PCDHA1: variants seen among roughly 807,000 people sequenced by gnomAD.
PCDHA1 encodes protocadherin alpha-1.
Under a neutral mutation model 61.3 loss-of-function variants are expected in PCDHA1, and 42 were observed. The ratio of observed to expected loss-of-function variants is 0.69; its 90% confidence interval spans 0.54 to 0.89. The LOEUF is 0.89. PCDHA1 is among the 40% of genes least tolerant of loss of function. PCDHA1 has a pLI of 0.00. For synonymous variants in PCDHA1, 610 were observed against 553.8 expected (o/e 1.10, Z -1.43); for missense variants, 1,256 against 1,235.3 (o/e 1.02, Z -0.25).
chr5:140,848,591 C>A lies in PCDHA1; in HGVS notation c.2394+59907C>A. 1.9e-6 allele frequency: 3 copies of A among 1,594,690 alleles called. 1 individual carries two copies. Among genetic ancestry groups the A allele is most frequent in the Non-Finnish European group, 2.6e-6 (3 of 1,164,772 alleles). On this transcript the variant is annotated intron_variant, in intron 1 of 3. Coordinates refer to ENST00000504120, the MANE Select transcript of PCDHA1 (RefSeq NM_018900.4). ...GGGTGGTGGGGAGCGGCCAGCTCCACTACTCCGTCCCGGAGGAAGCCGAAC... is the reference window on the plus strand; with the variant it reads ...GGGTGGTGGGGAGCGGCCAGCTCCAATACTCCGTCCCGGAGGAAGCCGAAC...
At chr5:140,825,623 T>C (rs2150140441) in intron 1 of PCDHA1, 11 of 151,926 alleles carry the variant, frequency 7.2e-5, no homozygotes, top group African/African-American at 1.7e-4. Context: ...GGTTTCACCA[T>C]GTTGGTCATG....
intron 1 of PCDHA1, chr5:140,804,830 T>G: frequency 2.5e-6 from 1 of 404,652 alleles, no homozygotes; most frequent in Non-Finnish European, 4.4e-6. Context: ...TGGTTAATAC[T>G]CATTGACAGT....
intron 3 of PCDHA1, among the ~76,000 whole-genome samples, chr5:140,989,700 C>T (rs1367211310): frequency 6.6e-6 from 1 of 152,178 alleles, no homozygotes; most frequent in East Asian, 1.9e-4. Flanking sequence ...AAAATTTTAT[C>T]TTCAGAGGCA....
chr5:141,000,393 CTCTATATA>C (rs1486021873), intron 3 of PCDHA1, among the ~76,000 whole-genome samples: 100 of 52,828 alleles, frequency 1.9e-3, no homozygotes, highest in Middle Eastern at 0.012. Context: ...CTCTCTCTCT[CTCTATATA>C]TATATATATA....
At chr5:140,897,656 C>T (rs2153457504) in intron 1 of PCDHA1, among the ~76,000 whole-genome samples, 1 of 152,200 alleles carries the variant, frequency 6.6e-6, no homozygotes, top group Non-Finnish European at 1.5e-5. Flanking sequence ...CATACGTGTG[C>T]ATGTGTCTTT....
At chr5:140,856,041 A>G in intron 1 of PCDHA1, 1 of 1,569,530 alleles carries the variant, frequency 6.4e-7, no homozygotes, top group Non-Finnish European at 8.7e-7. Flanking sequence ...AAACAAGAGA[A>G]GGATAAGATG....
rs371009349 is a variant in PCDHA1, at chr5:140,787,740, G to C, written c.1450G>C (p.Ala484Pro). ...CACGGTGTCTGCGCGGGACGCGGAC[G>C]CGCAGGAGAACGCGCTGGTGTCCTA... is the stretch of plus-strand genomic sequence containing the variant. ...IFTVSARDAD[A>P]QENALVSYSL... Residue 484 changes from alanine (A) to proline (P), a missense_variant, in exon 1 of 4, where the codon GCG (alanine) becomes CCG (proline). By Grantham distance (27) the Ala-to-Pro change is conservative. Coordinates refer to ENST00000504120, the MANE Select transcript of PCDHA1 (RefSeq NM_018900.4). The C allele has an allele frequency of 3.7e-6, 6 of 1,613,410 alleles. No individual in the cohort carries two copies. The African/African-American group carries it at 8.0e-5, about 22-fold the overall frequency.
chr5:140,871,223 C>G (rs1009797322), intron 1 of PCDHA1: 6 of 1,613,892 alleles, frequency 3.7e-6, no homozygotes, highest in Non-Finnish European at 3.4e-6. Context: ...TGCGTGGTGT[C>G]CAGCCTCCTG....
In PCDHA1 at chr5:140,856,289, G is replaced by A. The variant is rs138367057; in HGVS notation, c.2394+67605G>A. Reference sequence around the variant, plus strand: ...CCTTCTGGAGGTAAATCTGCAGAATGGCATTTTGTTTGTGAATTCTCGGAT... The same window carrying A: ...CCTTCTGGAGGTAAATCTGCAGAATAGCATTTTGTTTGTGAATTCTCGGAT... On this transcript the variant is annotated intron_variant, in intron 1 of 3. Coordinates refer to ENST00000504120, the MANE Select transcript of PCDHA1 (RefSeq NM_018900.4). The A allele has an allele frequency of 3.3e-4, 527 of 1,598,532 alleles. 21 individuals carry two copies. The African/African-American group carries it at 6.0e-3, about 18-fold the overall frequency.
At position 140,841,167 on chromosome 5, in the gene PCDHA1, G is replaced by A. The variant is rs1003651834; in HGVS notation, c.2394+52483G>A. On this transcript the variant is annotated intron_variant, in intron 1 of 3. Coordinates refer to ENST00000504120, the MANE Select transcript of PCDHA1 (RefSeq NM_018900.4). ...ATGTCGCTGTCTACCAAGAAGTTCTGGTTGGTCAATGTTCAAAGTCTTTTC... is the reference window on the plus strand; with the variant it reads ...ATGTCGCTGTCTACCAAGAAGTTCTAGTTGGTCAATGTTCAAAGTCTTTTC... 13 of 954,538 alleles carry A rather than the reference G, an allele frequency of 1.4e-5. 1 individual carries two copies. In the South Asian group the frequency reaches 1.6e-4, roughly 12 times the overall value. 59.1% of individuals were successfully genotyped at this position (954,538 alleles called of 1,614,324 possible). A position where few individuals can be genotyped will look rare whatever the true frequency, so the allele number is the denominator to read the frequency against.
chr5:140,827,471 T>C (rs1554130800), intron 1 of PCDHA1, among the ~76,000 whole-genome samples: 2 of 152,222 alleles, frequency 1.3e-5, no homozygotes, highest in Non-Finnish European at 2.9e-5. Flanking sequence ...CTGATATTTA[T>C]TGAACAAAGA....
At chr5:140,836,351 G>C (rs151141737) in intron 1 of PCDHA1, 18 of 1,613,578 alleles carry the variant, frequency 1.1e-5, no homozygotes, top group Non-Finnish European at 1.5e-5. Flanking sequence ...ACCACGGGGA[G>C]CCCTCGCTGA....
intron 1 of PCDHA1, chr5:140,857,488 C>A (rs782255025): frequency 6.3e-7 from 1 of 1,598,442 alleles, no homozygotes; most frequent in South Asian, 1.1e-5. Context: ...CTGCGTGGGA[C>A]GCGGACGCGC....
intron 1 of PCDHA1, chr5:140,871,196 AC>A (rs782394304): frequency 1.7e-5 from 28 of 1,613,546 alleles, no homozygotes; most frequent in Non-Finnish European, 2.2e-5. Context: ...GTCAACGTGT[AC>A]CTGATCATCG....
chr5:140,999,459 T>C (rs2097858774), intron 3 of PCDHA1, among the ~76,000 whole-genome samples: 1 of 152,138 alleles, frequency 6.6e-6, no homozygotes, highest in Non-Finnish European at 1.5e-5. Flanking sequence ...AACGAATAAG[T>C]GGTGAAGCAG....
intron 1 of PCDHA1, chr5:140,870,462 G>C: frequency 1.2e-6 from 2 of 1,614,196 alleles, no homozygotes; most frequent in Non-Finnish European, 1.7e-6. Flanking sequence ...ATGCGCCTGC[G>C]TTCGCACAGC....
chr5:140,828,554 G>C, intron 1 of PCDHA1: 1 of 1,614,212 alleles, frequency 6.2e-7, no homozygotes. Flanking sequence ...GTTTCCACTG[G>C]AGGGCGCGTC....
intron 1 of PCDHA1, chr5:140,828,262 G>T (rs782427409): frequency 2.5e-6 from 4 of 1,613,900 alleles, no homozygotes; most frequent in Non-Finnish European, 3.4e-6. Context: ...TGGAGCTGGC[G>T]GAGCTGGTGC....
chr5:140,851,304 C>T (rs2042021311), intron 1 of PCDHA1: 1 of 1,006,386 alleles, frequency 9.9e-7, no homozygotes, highest in East Asian at 6.6e-5. Context: ...AAATATATAG[C>T]AATTGTTACC....
Sources: allele counts gnomAD v4.1 joint callset (sites outside exome capture counted in the v4.1 genomes callset), GRCh38; gene constraint gnomAD v4.1.1; transcripts MANE v1.5; gene names NCBI Gene and HGNC (gene_info 2026-07-23, HGNC 2026-07-21).